The following CELF2 variants were observed in gnomAD, a reference collection of about 807,000 sequenced individuals.
CELF2 encodes CUG triplet repeat RNA-binding protein 2.
In CELF2, 8 loss-of-function variants were observed where a neutral mutation model predicts 62.6. The observed-to-expected ratio is 0.13, with a 90% CI of 0.07 to 0.23. The LOEUF (loss-of-function observed/expected upper bound fraction) is 0.23. Ranked by LOEUF, CELF2 falls within the 10% of genes least tolerant of loss-of-function variation. CELF2 has a pLI of 1.00. For synonymous variants in CELF2, 258 were observed against 250.0 expected, an observed-to-expected ratio of 1.03 and a Z score of -0.30; for missense variants, 333 against 671.0, an observed-to-expected ratio of 0.50 and a Z score of 5.56.
At chr10:11,055,023 ATTC>A (rs895624864) in intron 1 of CELF2, among the ~76,000 whole-genome samples, 89 of 152,208 alleles carry the variant, frequency 5.8e-4, no homozygotes, top group African/African-American at 2.0e-3. Context: ...CTTCTAGTGT[ATTC>A]TTTTAGAGAA....
At chr10:10,943,838 G>A (rs1221294063) in intron 2 of CELF2, among the ~76,000 whole-genome samples, 1 of 151,210 alleles carries the variant, frequency 6.6e-6, no homozygotes, top group Non-Finnish European at 1.5e-5. Flanking sequence ...CTGACCTCAG[G>A]TGATCTGCTT....
the CELF2 span, among the ~76,000 whole-genome samples, chr10:10,739,739 C>A: frequency 6.6e-6 from 1 of 152,104 alleles, no homozygotes; most frequent in Non-Finnish European, 1.5e-5. Context: ...AGTTCCTTAG[C>A]CTTTCCTTGT....
At chr10:10,611,008 G>A in the CELF2 span, among the ~76,000 whole-genome samples, 1 of 152,210 alleles carries the variant, frequency 6.6e-6, no homozygotes, top group Non-Finnish European at 1.5e-5. Context: ...TGGGGATGAG[G>A]CTAATGAGTT....
intron 2 of CELF2, among the ~76,000 whole-genome samples, chr10:10,943,354 G>A (rs187860293): frequency 6.6e-6 from 1 of 152,204 alleles, no homozygotes; most frequent in Non-Finnish European, 1.5e-5. Flanking sequence ...CAAAGGAAGA[G>A]TATTAGTTGA....
chr10:11,281,918 G>C (rs962790851), intron 8 of CELF2, among the ~76,000 whole-genome samples: 16 of 152,094 alleles, frequency 1.1e-4, no homozygotes, highest in African/African-American at 3.4e-4. Flanking sequence ...ATTCGTACTG[G>C]CCCCAATGTT....
intron 9 of CELF2, among the ~76,000 whole-genome samples, chr10:11,299,768 G>A (rs1179649461): frequency 6.6e-6 from 1 of 151,968 alleles, no homozygotes; most frequent in Non-Finnish European, 1.5e-5. Flanking sequence ...CCGTATTTCT[G>A]GGTTTCGCCA....
chr10:10,474,460 T>C, the CELF2 span, among the ~76,000 whole-genome samples: 2 of 152,100 alleles, frequency 1.3e-5, no homozygotes, highest in African/African-American at 4.8e-5. Context: ...TTGCAGACCA[T>C]AATGTCTATG....
the CELF2 span, among the ~76,000 whole-genome samples, chr10:10,494,615 C>T: frequency 6.6e-6 from 1 of 152,222 alleles, no homozygotes; most frequent in African/African-American, 2.4e-5. Flanking sequence ...TTTTTTTATA[C>T]ACATGTTAGA....
chr10:11,275,188 C>A, intron 8 of CELF2, 68 bp downstream of exon 8: 1 of 1,453,076 alleles, frequency 6.9e-7, no homozygotes, highest in Non-Finnish European at 9.7e-7. Context: ...GTTCCGAGGG[C>A]AAAGACAAGA....
chr10:10,832,374 C>T (rs2057940250), intron 1 of CELF2, among the ~76,000 whole-genome samples: 2 of 152,218 alleles, frequency 1.3e-5, no homozygotes, highest in South Asian at 4.1e-4. Flanking sequence ...TCTAGAGCTA[C>T]TCACGGGTAG....
the CELF2 span, among the ~76,000 whole-genome samples, chr10:10,657,116 C>T: frequency 1.1e-3 from 161 of 152,008 alleles, no homozygotes; most frequent in Non-Finnish European, 1.8e-3. Flanking sequence ...TGGTTGAACC[C>T]TGAAAAAATT....
At chr10:11,056,530 A>G (rs1315210419) in intron 1 of CELF2, among the ~76,000 whole-genome samples, 2 of 152,254 alleles carry the variant, frequency 1.3e-5, no homozygotes, top group African/African-American at 4.8e-5. Context: ...AGAGAGCAAG[A>G]AAGATGGATG....
At chr10:10,520,345 A>C in the CELF2 span, among the ~76,000 whole-genome samples, 1 of 152,208 alleles carries the variant, frequency 6.6e-6, no homozygotes, top group Non-Finnish European at 1.5e-5. Context: ...GAGCAAGATG[A>C]CACCATGGCA....
At chr10:11,019,427 C>T (rs1270475939) in intron 1 of CELF2, among the ~76,000 whole-genome samples, 2 of 152,134 alleles carry the variant, frequency 1.3e-5, no homozygotes, top group African/African-American at 2.4e-5. Context: ...CCTTATGGTA[C>T]TCTGCAGTAT....
the CELF2 span, among the ~76,000 whole-genome samples, chr10:10,689,427 A>T: frequency 2.6e-5 from 4 of 152,192 alleles, no homozygotes; most frequent in African/African-American, 9.7e-5. Flanking sequence ...AGGATTACAA[A>T]TCAACATGAT....
At chr10:10,547,136 T>C in the CELF2 span, among the ~76,000 whole-genome samples, 1 of 152,100 alleles carries the variant, frequency 6.6e-6, no homozygotes, top group African/African-American at 2.4e-5. Context: ...GAATCATCTA[T>C]GAATAAAAAT....
At chr10:10,582,341 G>A in the CELF2 span, among the ~76,000 whole-genome samples, 8 of 152,094 alleles carry the variant, frequency 5.3e-5, no homozygotes, top group Admixed American at 2.6e-4. Context: ...TTGGATATGG[G>A]TCCTTGGTGA....
the CELF2 span, among the ~76,000 whole-genome samples, chr10:10,782,662 A>G: frequency 2.6e-3 from 403 of 152,346 alleles, 3 homozygotes; most frequent in Non-Finnish European, 3.0e-3. Flanking sequence ...ACCAAGTGGT[A>G]GCACTGTGTT....
chr10:11,135,528 A>G (rs1268250472), intron 1 of CELF2, among the ~76,000 whole-genome samples: 1 of 152,260 alleles, frequency 6.6e-6, no homozygotes, highest in Non-Finnish European at 1.5e-5. Flanking sequence ...AATTGTATCA[A>G]TGCCTATGAA....
Sources: gnomAD v4.1 joint callset for allele counts (sites outside exome capture counted in the v4.1 genomes callset) on GRCh38, gnomAD v4.1.1 for gene constraint, MANE v1.5 for transcripts, NCBI Gene and HGNC (gene_info 2026-07-23, HGNC 2026-07-21) for gene names.